The following TLE6 variants were observed in gnomAD, a reference collection of about 807,000 sequenced individuals.
TLE6 encodes the protein transducin-like enhancer protein 6.
Under a neutral mutation model 77.1 loss-of-function variants are expected in TLE6, and 72 were observed. That is an observed-to-expected ratio of 0.93 (90% CI 0.77 to 1.14). TLE6 has a LOEUF of 1.14. TLE6 is among the 50% of genes most tolerant of loss of function. TLE6 has a pLI of 0.00. For missense variants in TLE6, 843 were observed against 747.6 expected (o/e 1.13, Z -1.49); for synonymous variants, 366 against 287.3 (o/e 1.27, Z -2.77).
rs150334730 is a variant in TLE6 at position 2,987,785 on chromosome 19, C to G, written c.620C>G (p.Ala207Gly). ...GGAACAGACCCATGTCCTGAAGATG[C>G]CTCCAGTAATCCCAGCGGGCAGGGG... is the stretch of plus-strand genomic sequence containing the variant. ...DPGTDPCPED[A>G]STPRPPEASS... Residue 207 changes from alanine (A) to glycine (G), a missense_variant, in exon 9 of 17, where the codon GCC becomes GGC. Physicochemically the swap from Ala to Gly is moderately conservative, Grantham distance 60 (BLOSUM62 0). Coordinates refer to ENST00000246112, the MANE Select transcript of TLE6 (RefSeq NM_001143986.2). 94 of 1,614,166 alleles carry G rather than the reference C, an allele frequency of 5.8e-5. 1 individual carries two copies. The African/African-American group carries it at 8.3e-4, about 14-fold the overall frequency.
chr19:2,993,812 C>G (rs559232896), intron 15 of TLE6, among the ~76,000 whole-genome samples: 1 of 151,876 alleles, frequency 6.6e-6, no homozygotes, highest in African/African-American at 2.4e-5. Context: ...CGCCCTTCCC[C>G]CTTCAGCCAC....
chr19:2,979,348 G>C (rs1201796825), intron 2 of TLE6, among the ~76,000 whole-genome samples: 1 of 151,886 alleles, frequency 6.6e-6, no homozygotes, highest in Non-Finnish European at 1.5e-5. Context: ...CCAGGTTCAA[G>C]TGATTCTCCT....
At chr19:2,993,920 CAAAAAAAAAAAA>C (rs34647224) in intron 15 of TLE6, 87 bp from the exon 16 acceptor site, 3 of 548,986 alleles carry the variant, frequency 5.5e-6, no homozygotes, top group East Asian at 3.7e-5. Flanking sequence ...GACCCTGTCT[CAAAAAAAAAAAA>C]AAAAAAAAAA....
At chr19:2,987,265 A>C (rs1202976154) in intron 7 of TLE6, 27 bp downstream of exon 7, 1 of 1,614,070 alleles carries the variant, frequency 6.2e-7, no homozygotes, top group Non-Finnish European at 8.5e-7. Flanking sequence ...GTGAGGGGGA[A>C]GGGGCAGCCA....
intron 5 of TLE6, among the ~76,000 whole-genome samples, 160 bp from the exon 6 acceptor site, chr19:2,986,669 G>T (rs2088917690): frequency 6.6e-6 from 1 of 152,100 alleles, no homozygotes; most frequent in Non-Finnish European, 1.5e-5. Context: ...AGCCGAGATT[G>T]CACCACTGCA....
intron 5 of TLE6, among the ~76,000 whole-genome samples, chr19:2,982,470 G>T (rs1027810974): frequency 6.6e-6 from 1 of 151,148 alleles, no homozygotes; most frequent in African/African-American, 2.4e-5. Context: ...CCCGGGAGGT[G>T]GAGATTGCAG....
At position 2,991,988 on chromosome 19, in the gene TLE6, C is replaced by G; in HGVS notation, c.1386+4C>G. Reference sequence around the variant, plus strand: ...GGAGTACCAATTCAAGTCTCAGGTGCGGAGGCCGGGATGGGGTCTGCTTGG... The same window carrying G: ...GGAGTACCAATTCAAGTCTCAGGTGGGGAGGCCGGGATGGGGTCTGCTTGG... On this transcript the variant is annotated splice_donor_region_variant and intron_variant, in intron 14 of 16. Coordinates refer to ENST00000246112, the MANE Select transcript of TLE6 (RefSeq NM_001143986.2). 1.2e-6 allele frequency: 2 copies of G among 1,612,848 alleles called. No individual in the cohort carries two copies. Among genetic ancestry groups the G allele is most frequent in the Non-Finnish European group, 1.7e-6 (2 of 1,179,558 alleles).
Position 2,980,060 on chromosome 19 carries a change from G to T in TLE6, c.52-40G>T. 4 of 1,513,254 alleles carry T rather than the reference G, an allele frequency of 2.6e-6. No homozygotes were observed. In the African/African-American group the frequency reaches 5.5e-5, roughly 21 times the overall value. The allele number at this position is 1,513,254 out of a possible 1,614,324, so 93.7% of individuals were successfully genotyped here. On this transcript the variant is annotated intron_variant, in intron 2 of 16. Coordinates refer to ENST00000246112, the MANE Select transcript of TLE6 (RefSeq NM_001143986.2). Reference sequence around the variant, plus strand: ...GAGACCGGGGGTCTTGGGTGTTGGAGCATTGTAAGTTTTATGTAACCTTGC... The same window carrying T: ...GAGACCGGGGGTCTTGGGTGTTGGATCATTGTAAGTTTTATGTAACCTTGC...
chr19:2,988,228 G>T (rs1263772405), intron 11 of TLE6, 100 bp downstream of exon 11: 10 of 1,234,414 alleles, frequency 8.1e-6, no homozygotes, highest in Non-Finnish European at 4.5e-6. Context: ...GAACAGAGGT[G>T]TAAGACTTTC....
rs1568215423 is a variant in TLE6, at chr19:2,989,179, G to A, written c.859G>A (p.Glu287Lys). Residue 287 changes from glutamate (E) to lysine (K), a missense_variant, in exon 12 of 17, where the codon GAG becomes AAG. Coordinates refer to ENST00000246112, the MANE Select transcript of TLE6 (RefSeq NM_001143986.2). ...LEKMRILAHG[E>K]LVLATAISSF... ...AAAGATGCGGATCTTGGCACACGGG[G>A]AGCTCGTGCTCGCCACGGCCATCAG... 1 of 1,614,140 alleles carries A rather than the reference G, an allele frequency of 6.2e-7. No homozygotes were observed. Among genetic ancestry groups the A allele is most frequent in the Non-Finnish European group, 8.5e-7 (1 of 1,180,056 alleles).
At chr19:2,981,064 TGAA>T (rs947585489) in intron 3 of TLE6, among the ~76,000 whole-genome samples, 6 of 147,954 alleles carry the variant, frequency 4.1e-5, no homozygotes, top group African/African-American at 1.5e-4. Flanking sequence ...AAAAAAAAAT[TGAA>T]GAAAGTGGCG....
chr19:2,982,133 GT>G lies in TLE6; in HGVS notation c.181-11del, dbSNP rs758855285. 119 of 1,551,564 alleles carry G rather than the reference GT, an allele frequency of 7.7e-5. No homozygotes were observed. The African/African-American group carries it at 1.5e-3, about 19-fold the overall frequency. On this transcript the variant is annotated splice_polypyrimidine_tract_variant and intron_variant, in intron 4 of 16. Transcript: ENST00000246112. ...CGGACCACCTCCCGATGGGATCTCT[GT>G]TTTCCCTTTGCAGCTGCACAAGATC...
At position 2,989,205 on chromosome 19, in the gene TLE6, C is replaced by T. The variant is rs2088985613; in HGVS notation, c.885C>T (p.Ser295=). 6.2e-7 allele frequency: 1 copy of T among 1,614,046 alleles called. No individual in the cohort carries two copies. Among genetic ancestry groups the T allele is most frequent in the African/African-American group, 1.3e-5 (1 of 74,956 alleles). The part of the protein sequence containing the change: ...HGELVLATAI[S]SFTRHVFTCG... Reference sequence around the variant, plus strand: ...AGCTCGTGCTCGCCACGGCCATCAGCAGCTTCACGCGGCACGTGTTCACCT... The same window carrying T: ...AGCTCGTGCTCGCCACGGCCATCAGTAGCTTCACGCGGCACGTGTTCACCT... The change falls in exon 12 of 17, where the codon AGC becomes AGT. Residue 295 remains serine (S), a synonymous_variant. Coordinates refer to ENST00000246112, the MANE Select transcript of TLE6 (RefSeq NM_001143986.2).
chr19:2,980,615 A>C (rs994415403), intron 3 of TLE6, among the ~76,000 whole-genome samples: 3 of 151,814 alleles, frequency 2.0e-5, no homozygotes, highest in Non-Finnish European at 2.9e-5. Flanking sequence ...GGGTGCCTGT[A>C]ATCCCAACTA....
intron 11 of TLE6, among the ~76,000 whole-genome samples, chr19:2,988,368 G>A (rs183200750): frequency 3.4e-4 from 51 of 152,192 alleles, no homozygotes; most frequent in Non-Finnish European, 5.9e-4. Context: ...AGGCCGAGGC[G>A]GGCAGATCAC....
chr19:2,987,494 T>C, intron 8 of TLE6, 122 bp downstream of exon 8: 3 of 1,428,302 alleles, frequency 2.1e-6, no homozygotes, highest in Non-Finnish European at 2.9e-6. Context: ...GCCCCTCGGG[T>C]CCCCCGGGGG....
In TLE6 at chr19:2,994,016, C is replaced by T. The variant is rs2089150097; in HGVS notation, c.1538-3C>T. 5 of 1,603,026 alleles carry T rather than the reference C, an allele frequency of 3.1e-6. No homozygotes were observed. Among genetic ancestry groups the T allele is most frequent in the Non-Finnish European group, 4.3e-6 (5 of 1,175,730 alleles). On this transcript the variant is annotated splice_polypyrimidine_tract_variant and splice_region_variant and intron_variant, in intron 15 of 16. Transcript: ENST00000246112. ...AGTCTCGCTGATGCTCCATTTCTCC[C>T]AGGCCAGTGGTGGGCAAGCGTTGGA...
rs931010490 is a variant in TLE6, at chr19:2,995,162, A to C, written c.*158A>C. 1 of 498,878 alleles carries C rather than the reference A, an allele frequency of 2.0e-6. No homozygotes were observed. The highest frequency in any genetic ancestry group is 1.9e-5 in the African/African-American group (1 of 52,094). The allele number at this position is 498,878 out of a possible 1,614,324, so 30.9% of individuals were successfully genotyped here. A position where few individuals can be genotyped will look rare whatever the true frequency, so the allele number is the denominator to read the frequency against. ...AGACTGGTCGCCATCACGTGTAATAAAGCACCCGGGAAAGGCAGAGTGTGG... is the reference window on the plus strand; with the variant it reads ...AGACTGGTCGCCATCACGTGTAATACAGCACCCGGGAAAGGCAGAGTGTGG... On this transcript the variant is annotated 3_prime_UTR_variant, in exon 17 of 17. Coordinates refer to ENST00000246112, the MANE Select transcript of TLE6 (RefSeq NM_001143986.2).
rs759491630 is a variant in TLE6, at chr19:2,989,795, G to A, written c.1244+10G>A. 2.8e-5 allele frequency: 45 copies of A among 1,608,504 alleles called. 1 individual carries two copies. The South Asian group carries it at 4.8e-4, about 17-fold the overall frequency. ...ATCAGAGTGTGGTCAGGTGCGTTTG[G>A]GGGGTGGGAAGGGGAAGCATCCTGT... On this transcript the variant is annotated intron_variant, in intron 13 of 16. Transcript: ENST00000246112.
Sources: gnomAD v4.1 joint callset for allele counts (sites outside exome capture counted in the v4.1 genomes callset) on GRCh38, gnomAD v4.1.1 for gene constraint, MANE v1.5 for transcripts, NCBI Gene and HGNC (gene_info 2026-07-23, HGNC 2026-07-21) for gene names.